Variants in LGR5 observed in about 807,000 individuals in gnomAD.
LGR5 encodes leucine-rich repeat-containing G protein-coupled receptor 5.
In LGR5, 54 loss-of-function variants were observed where a neutral mutation model predicts 76.7. The ratio of observed to expected loss-of-function variants is 0.70; its 90% CI spans 0.57 to 0.88. The LOEUF is 0.88. LGR5 is among the 40% of genes least tolerant of loss of function. The pLI is 0.00. For missense variants in LGR5, 1,078 were observed against 1,073.3 expected (o/e 1.00, Z -0.06); for synonymous variants, 406 against 421.9 (o/e 0.96, Z 0.46).
chr12:71,501,865 C>T (rs1328975459), intron 1 of LGR5, among the ~76,000 whole-genome samples: 3 of 152,070 alleles, frequency 2.0e-5, no homozygotes, highest in Non-Finnish European at 4.4e-5. Context: ...GCTGGAGAAC[C>T]ATAATTACAT....
chr12:71,514,921 C>G (rs1875363336), intron 2 of LGR5, among the ~76,000 whole-genome samples: 1 of 152,038 alleles, frequency 6.6e-6, no homozygotes, highest in African/African-American at 2.4e-5. Context: ...GATATTTTTT[C>G]TCAAATGGGG....
intron 2 of LGR5, among the ~76,000 whole-genome samples, chr12:71,517,991 T>G (rs1174975144): frequency 2.6e-5 from 4 of 152,110 alleles, no homozygotes; most frequent in African/African-American, 9.7e-5. Flanking sequence ...CCTCTGCCAC[T>G]GCTACACTAT....
intron 1 of LGR5, among the ~76,000 whole-genome samples, chr12:71,483,961 T>C (rs553654532): frequency 2.0e-5 from 3 of 152,106 alleles, no homozygotes; most frequent in South Asian, 4.1e-4. Flanking sequence ...GATGTATTAA[T>C]CAAAATGAGA....
intron 1 of LGR5, among the ~76,000 whole-genome samples, chr12:71,447,319 C>A (rs560168033): frequency 6.6e-6 from 1 of 152,212 alleles, no homozygotes; most frequent in South Asian, 2.1e-4. Context: ...AATGAAAAAC[C>A]TTTTCTGAAC....
chr12:71,566,337 T>C (rs189801793), intron 8 of LGR5, 67 bp from the exon 9 acceptor site: 14 of 1,006,192 alleles, frequency 1.4e-5, no homozygotes, highest in Non-Finnish European at 2.0e-5. Context: ...TTTGTTCAAA[T>C]TTTGAACAGA....
At chr12:71,453,456 A>G (rs1000842456) in intron 1 of LGR5, among the ~76,000 whole-genome samples, 9 of 144,310 alleles carry the variant, frequency 6.2e-5, no homozygotes, top group Admixed American at 2.7e-4. Flanking sequence ...AATTGCTTTT[A>G]TCCTTTCCTT....
At chr12:71,510,863 G>A (rs1875118489) in intron 2 of LGR5, among the ~76,000 whole-genome samples, 1 of 152,094 alleles carries the variant, frequency 6.6e-6, no homozygotes, top group Non-Finnish European at 1.5e-5. Context: ...AACAGTGTGA[G>A]CAGAGGCCTT....
At position 71,571,598 on chromosome 12, in the gene LGR5, A is replaced by G. The variant is rs930033692; in HGVS notation, c.1136+19A>G. ...AGAAAATGTAAGTCTAGAAGTCTCT[A>G]AGTCACCTAGCAAAAATCAAGAATC... On this transcript the variant is annotated intron_variant, in intron 12 of 17. Coordinates refer to ENST00000266674, the MANE Select transcript of LGR5 (RefSeq NM_003667.4). The G allele has an allele frequency of 1.3e-6, 2 of 1,572,256 alleles. No individual in the cohort carries two copies. Among genetic ancestry groups the G allele is most frequent in the African/African-American group, 2.7e-5 (2 of 73,908 alleles).
At chr12:71,578,091 T>C (rs1878936336) in intron 14 of LGR5, 95 bp downstream of exon 14, 1 of 912,380 alleles carries the variant, frequency 1.1e-6, no homozygotes, top group Non-Finnish European at 1.8e-6. Context: ...AAGCTGGATA[T>C]GCACAGATTA....
chr12:71,533,881 C>A (rs1441953383), intron 3 of LGR5, among the ~76,000 whole-genome samples: 1 of 152,186 alleles, frequency 6.6e-6, no homozygotes, highest in Non-Finnish European at 1.5e-5. Flanking sequence ...ATACCGTTCA[C>A]ATGCAATCTG....
At chr12:71,474,334 G>A (rs1009193079) in intron 1 of LGR5, among the ~76,000 whole-genome samples, 5 of 152,166 alleles carry the variant, frequency 3.3e-5, no homozygotes, top group South Asian at 2.1e-4. Context: ...AGTTGCTCCC[G>A]AGCAGGTACT....
Position 71,584,137 on chromosome 12 carries a change from C to T in LGR5, c.2127C>T (p.Ser709=), listed in dbSNP as rs1879215601. ...PLLGGSKYGA[S]PLCLPLPFGE... ...TGGGTGGCAGCAAGTATGGCGCCTC[C>T]CCTCTCTGCCTGCCTTTGCCTTTTG... is the stretch of plus-strand genomic sequence containing the variant. The change falls in exon 18 of 18, where the codon TCC becomes TCT. Residue 709 remains serine (S), a synonymous_variant. Transcript: ENST00000266674. The T allele has an allele frequency of 6.2e-7, 1 of 1,614,172 alleles. No individual in the cohort carries two copies. Among genetic ancestry groups the T allele is most frequent in the Non-Finnish European group, 8.5e-7 (1 of 1,180,036 alleles).
intron 2 of LGR5, among the ~76,000 whole-genome samples, chr12:71,512,389 T>C (rs1216827145): frequency 6.6e-6 from 1 of 152,248 alleles, no homozygotes; most frequent in Non-Finnish European, 1.5e-5. Flanking sequence ...ATGAAGGTCT[T>C]CAGGTGATCT....
At chr12:71,571,373 C>A in intron 11 of LGR5, 141 bp from the exon 12 acceptor site, 1 of 541,046 alleles carries the variant, frequency 1.8e-6, no homozygotes, top group Non-Finnish European at 3.3e-6. Flanking sequence ...CTGTGACTAC[C>A]TGCTCCATGT....
intron 17 of LGR5, among the ~76,000 whole-genome samples, chr12:71,583,183 C>A (rs1362634134): frequency 2.0e-5 from 3 of 152,104 alleles, no homozygotes; most frequent in African/African-American, 4.8e-5. Context: ...GTCCCTTGCT[C>A]CCTAACCTCA....
chr12:71,465,074 G>A (rs1330080528), intron 1 of LGR5, among the ~76,000 whole-genome samples: 1 of 152,086 alleles, frequency 6.6e-6, no homozygotes, highest in Non-Finnish European at 1.5e-5. Context: ...TTGGAGGCAG[G>A]CGTCCCCCTC....
intron 3 of LGR5, among the ~76,000 whole-genome samples, chr12:71,531,638 T>G (rs916915836): frequency 2.6e-5 from 4 of 151,902 alleles, no homozygotes; most frequent in Admixed American, 1.3e-4. Flanking sequence ...AAGGCCAAGG[T>G]GGGTAGATCA....
chr12:71,532,810 T>G (rs1693492325), intron 3 of LGR5, among the ~76,000 whole-genome samples: 1 of 151,760 alleles, frequency 6.6e-6, no homozygotes, highest in Non-Finnish European at 1.5e-5. Context: ...TTTTTTTTTT[T>G]GAGACAGGGT....
intron 4 of LGR5, among the ~76,000 whole-genome samples, chr12:71,538,585 G>C (rs1250339605): frequency 6.6e-6 from 1 of 152,188 alleles, no homozygotes. Context: ...CTATTGACCT[G>C]ACCTGGAGCA....
Sources: allele counts gnomAD v4.1 joint callset (sites outside exome capture counted in the v4.1 genomes callset), GRCh38; gene constraint gnomAD v4.1.1; transcripts MANE v1.5; gene names NCBI Gene and HGNC (gene_info 2026-07-23, HGNC 2026-07-21).